BCKDK: variants seen among roughly 807,000 people sequenced by gnomAD.
The protein encoded by BCKDK is branched chain keto acid dehydrogenase kinase.
Under a neutral mutation model 43.9 loss-of-function variants are expected in BCKDK, and 28 were observed. That is an observed-to-expected ratio of 0.64 (90% CI 0.47 to 0.87). The LOEUF (loss-of-function observed/expected upper bound fraction) is 0.87. BCKDK is among the 40% of genes least tolerant of loss of function. The pLI is 0.00. For synonymous variants in BCKDK, 257 were observed against 234.3 expected, an observed-to-expected ratio of 1.10 and a Z score of -0.88; for missense variants, 483 against 581.4, an observed-to-expected ratio of 0.83 and a Z score of 1.74.
At position 31,109,305 on chromosome 16, in the gene BCKDK, C is replaced by T. The variant is rs1242006586; in HGVS notation, c.82C>T (p.Arg28Trp). The change falls in exon 2 of 12, where the codon CGG (arginine) becomes TGG (tryptophan). Residue 28 changes from arginine (R) to tryptophan (W), a missense_variant. By Grantham distance (101) the Arg-to-Trp change is moderately radical (BLOSUM62 -3). Coordinates refer to ENST00000219794, the MANE Select transcript of BCKDK (RefSeq NM_005881.4). This position sits in a 1 kb window ranked among gnomAD's most constrained non-coding sequence, Gnocchi z 5.3. ...CCTCCTGGGACCCGCACTCGCGCTC[C>T]GGGCCCGCTCGACGTCGGCCACCGA... Reference protein sequence around the residue: ...RPLLGPALALRARSTSATDTH... With the variant: ...RPLLGPALALWARSTSATDTH... 2 of 1,606,940 alleles carry T rather than the reference C, an allele frequency of 1.2e-6. No homozygotes were observed. The highest frequency in any genetic ancestry group is 1.7e-6 in the Non-Finnish European group (2 of 1,176,890).
Position 31,110,496 on chromosome 16 carries a change from C to A in BCKDK, c.639C>A (p.Asp213Glu). 1 of 1,613,760 alleles carries A rather than the reference C, an allele frequency of 6.2e-7. No individual in the cohort carries two copies. The highest frequency in any genetic ancestry group is 8.5e-7 in the Non-Finnish European group (1 of 1,179,984). Residue 213 changes from aspartate (D) to glutamate (E), a missense_variant, in exon 7 of 12, where the codon GAC becomes GAA. By Grantham distance (45) the Asp-to-Glu change is conservative. Transcript: ENST00000219794. This position sits in a 1 kb window ranked among gnomAD's most constrained non-coding sequence, Gnocchi z 5.4. Reference protein sequence around the residue: ...LATHHLALHEDKPDFVGIICT... With the variant: ...LATHHLALHEEKPDFVGIICT... Reference sequence around the variant, plus strand: ...CGCATCACCTGGCGCTGCATGAGGACAAGGTGGGGCTCTGGGACCTGAGAC... The same window carrying A: ...CGCATCACCTGGCGCTGCATGAGGAAAAGGTGGGGCTCTGGGACCTGAGAC...
Position 31,108,873 on chromosome 16 carries a change from A to C in BCKDK, c.-177-174A>C. 5.6e-6 allele frequency: 1 copy of C among 177,266 alleles called. No individual in the cohort carries two copies. The highest frequency in any genetic ancestry group is 6.1e-5 in the Admixed American group (1 of 16,376). 11.0% of individuals were successfully genotyped at this position (177,266 alleles called of 1,614,324 possible). On this transcript the variant is annotated intron_variant, in intron 1 of 11. Transcript: ENST00000219794. This position sits in a 1 kb window ranked among gnomAD's most constrained non-coding sequence, Gnocchi z 6.2. ...CGCCAGTAGAGCCTCGGGTTGGGGA[A>C]TAGAAGCCCCCGGGAGGCTAGGTCC... is the stretch of plus-strand genomic sequence containing the variant.
Position 31,111,241 on chromosome 16 carries a change from G to C in BCKDK, c.845+22G>C, listed in dbSNP as rs72785548. 2.5e-3 allele frequency: 4,008 copies of C among 1,614,166 alleles called. 13 individuals are homozygous for C. The highest frequency in any genetic ancestry group is 2.3e-3 in the Non-Finnish European group (2,713 of 1,180,010). ...TGAGGTGGGGTGGCTTGATGTGCTG[G>C]CTTGGGGGCGGACAGGAACCGGGGT... is the stretch of plus-strand genomic sequence containing the variant. On this transcript the variant is annotated intron_variant, in intron 9 of 11. Transcript: ENST00000219794.
rs1299277895 is a variant in BCKDK at position 31,111,847 on chromosome 16, ATTG to A, written c.936-15_936-13del. The A allele has an allele frequency of 6.2e-7, 1 of 1,613,600 alleles. No homozygotes were observed. Among genetic ancestry groups the A allele is most frequent in the Non-Finnish European group, 8.5e-7 (1 of 1,179,820 alleles). On this transcript the variant is annotated intron_variant, in intron 10 of 11. Coordinates refer to ENST00000219794, the MANE Select transcript of BCKDK (RefSeq NM_005881.4). ...ACCCCATCAAAGCTGAGCCAAGCCC[ATTG>A]TTGTTGCCATCTTGCTAGGATCTCA...
chr16:31,108,389 A>C lies in BCKDK; in HGVS notation c.-268A>C, dbSNP rs1013004816. 6.6e-6 allele frequency: 1 copy of C among 152,186 alleles called. No individual in the cohort carries two copies. Among genetic ancestry groups the C allele is most frequent in the Non-Finnish European group, 1.5e-5 (1 of 68,028 alleles). 9.4% of individuals were successfully genotyped at this position (152,186 alleles called of 1,614,324 possible). ...CGGGCGCTGCCGCCCACGCGACGTC[A>C]CGGCGGCGGAGGGCGCAGGCGGCTG... On this transcript the variant is annotated 5_prime_UTR_variant, in exon 1 of 12. Transcript: ENST00000219794. The surrounding 1 kb of genome is among the most constrained non-coding windows in gnomAD (Gnocchi z 6.2).
Position 31,110,964 on chromosome 16 carries a change from C to T in BCKDK, c.717-127C>T, listed in dbSNP as rs1156324908. 15 of 1,468,818 alleles carry T rather than the reference C, an allele frequency of 1.0e-5. No homozygotes were observed. The highest frequency in any genetic ancestry group is 1.2e-5 in the Non-Finnish European group (13 of 1,078,160). The allele number at this position is 1,468,818 out of a possible 1,614,324, so 91.0% of individuals were successfully genotyped here. On this transcript the variant is annotated intron_variant, in intron 8 of 11. Coordinates refer to ENST00000219794, the MANE Select transcript of BCKDK (RefSeq NM_005881.4). The surrounding 1 kb of genome is among the most constrained non-coding windows in gnomAD (Gnocchi z 5.4). ...AGCAGCATCCCTGGCGCCAGCAGTACTGCCTAGTTGTGACAAACAAAAATG... is the reference window on the plus strand; with the variant it reads ...AGCAGCATCCCTGGCGCCAGCAGTATTGCCTAGTTGTGACAAACAAAAATG...
downstream of BCKDK, among the ~76,000 whole-genome samples, chr16:31,114,785 T>C (rs888317338): frequency 2.0e-5 from 3 of 152,232 alleles, no homozygotes; most frequent in African/African-American, 7.2e-5. Flanking sequence ...CGCCTGTGAA[T>C]ACCGAAATCT....
rs766543783 is a variant in BCKDK, at chr16:31,109,513, C to T, written c.198C>T (p.Pro66=). ...QSAIDAAAEK[P]SVRLTPTMML... The stretch of plus-strand genomic sequence containing the variant: ...TCAAGGCCTCTCTCCCTCTCTAGCC[C>T]TCAGTCCGCCTAACGCCCACCATGA... Residue 66 remains proline (P), a splice_region_variant and synonymous_variant, in exon 3 of 12, where the codon CCC becomes CCT. Transcript: ENST00000219794. The surrounding 1 kb of genome is among the most constrained non-coding windows in gnomAD (Gnocchi z 5.3). 4 of 1,614,116 alleles carry T rather than the reference C, an allele frequency of 2.5e-6. No homozygotes were observed. Among genetic ancestry groups the T allele is most frequent in the Non-Finnish European group, 3.4e-6 (4 of 1,180,020 alleles).
rs1162877296 is a variant in BCKDK at position 31,110,481 on chromosome 16, G to A, written c.624G>A (p.Leu208=). The change falls in exon 7 of 12, where the codon CTG becomes CTA. Residue 208 remains leucine (L), a synonymous_variant. Transcript: ENST00000219794. This position sits in a 1 kb window ranked among gnomAD's most constrained non-coding sequence, Gnocchi z 5.4. ...LGIRMLATHH[L]ALHEDKPDFV... is the part of the protein sequence containing the mutation. ...TCCGCATGTTGGCCACGCATCACCT[G>A]GCGCTGCATGAGGACAAGGTGGGGC... The A allele has an allele frequency of 6.2e-7, 1 of 1,613,734 alleles. No homozygotes were observed. The highest frequency in any genetic ancestry group is 2.2e-5 in the East Asian group (1 of 44,894).
chr16:31,111,225 G>A lies in BCKDK; in HGVS notation c.845+6G>A, dbSNP rs1440509074. On this transcript the variant is annotated splice_donor_region_variant and intron_variant, in intron 9 of 11. Transcript: ENST00000219794. ...CTGCTCAAGAATGCCATGAGGTGGG[G>A]TGGCTTGATGTGCTGGCTTGGGGGC... The A allele has an allele frequency of 7.4e-6, 12 of 1,614,096 alleles. No homozygotes were observed. Among genetic ancestry groups the A allele is most frequent in the Non-Finnish European group, 9.3e-6 (11 of 1,180,036 alleles).
downstream of BCKDK, among the ~76,000 whole-genome samples, chr16:31,114,338 G>A (rs565312762): frequency 1.1e-3 from 79 of 74,154 alleles, no homozygotes; most frequent in African/African-American, 3.5e-3. Flanking sequence ...TCAGCCTCCC[G>A]AGTAGCTGGG....
Position 31,109,943 on chromosome 16 carries a change from C to G in BCKDK, c.376-134C>G, listed in dbSNP as rs925103138. 7 of 1,415,692 alleles carry G rather than the reference C, an allele frequency of 4.9e-6. No homozygotes were observed. In the African/African-American group the frequency reaches 7.1e-5, roughly 14 times the overall value. The allele number at this position is 1,415,692 out of a possible 1,614,324, so 87.7% of individuals were successfully genotyped here. A position where few individuals can be genotyped will look rare whatever the true frequency, so the allele number is the denominator to read the frequency against. On this transcript the variant is annotated intron_variant, in intron 4 of 11. Transcript: ENST00000219794. This position sits in a 1 kb window ranked among gnomAD's most constrained non-coding sequence, Gnocchi z 5.3. The stretch of plus-strand genomic sequence containing the variant: ...AAGCCAAAGGTGTGTATTCACGGAG[C>G]CTGGAAGGGTCGAAGTGGGGGTTTG...
chr16:31,110,981 A>C lies in BCKDK; in HGVS notation c.717-110A>C. ...CAGCAGTACTGCCTAGTTGTGACAA[A>C]CAAAAATGTCTCTGCACATTGCCAT... is the stretch of plus-strand genomic sequence containing the variant. On this transcript the variant is annotated intron_variant, in intron 8 of 11. Coordinates refer to ENST00000219794, the MANE Select transcript of BCKDK (RefSeq NM_005881.4). The surrounding 1 kb of genome is among the most constrained non-coding windows in gnomAD (Gnocchi z 5.4). The C allele has an allele frequency of 3.1e-5, 47 of 1,538,478 alleles. No homozygotes were observed. Among genetic ancestry groups the C allele is most frequent in the Non-Finnish European group, 4.1e-5 (47 of 1,135,248 alleles).
At position 31,110,657 on chromosome 16, in the gene BCKDK, TG is replaced by T; in HGVS notation, c.643-28del. 1.9e-6 allele frequency: 3 copies of T among 1,610,954 alleles called. No homozygotes were observed. Among genetic ancestry groups the T allele is most frequent in the Non-Finnish European group, 2.5e-6 (3 of 1,177,346 alleles). On this transcript the variant is annotated intron_variant, in intron 7 of 11. Transcript: ENST00000219794. The surrounding 1 kb of genome is among the most constrained non-coding windows in gnomAD (Gnocchi z 5.4). The stretch of plus-strand genomic sequence containing the variant: ...GCATCTTGGGGTGGGGCTAGGGGCG[TG>T]GGTAGTCCTGACCTCCTTTCTCCGG...
downstream of BCKDK, among the ~76,000 whole-genome samples, chr16:31,116,552 G>T (rs183291640): frequency 5.2e-4 from 79 of 151,968 alleles, no homozygotes; most frequent in African/African-American, 1.8e-3. Flanking sequence ...GCCTGTCCCT[G>T]GACACACCCG....
downstream of BCKDK, among the ~76,000 whole-genome samples, chr16:31,113,650 A>G (rs1034047360): frequency 6.6e-6 from 1 of 152,054 alleles, no homozygotes; most frequent in Admixed American, 6.6e-5. Flanking sequence ...TTTTTTGTAG[A>G]AACAGGGTTT....
intron 10 of BCKDK, 50 bp from the exon 11 acceptor site, chr16:31,111,819 A>G: frequency 6.2e-7 from 1 of 1,605,812 alleles, no homozygotes; most frequent in Non-Finnish European, 8.5e-7. Context: ...GGGGGTGGTG[A>G]GTACCCCATC....
chr16:31,115,480 C>T (rs568745591), downstream of BCKDK, among the ~76,000 whole-genome samples: 10 of 152,240 alleles, frequency 6.6e-5, no homozygotes, highest in South Asian at 2.1e-3. Context: ...GCCTCGGCCT[C>T]CCAAAGTGGT....
downstream of BCKDK, among the ~76,000 whole-genome samples, chr16:31,116,664 C>G (rs1302558825): frequency 1.3e-5 from 2 of 150,688 alleles, no homozygotes; most frequent in Non-Finnish European, 3.0e-5. Context: ...CGCCTGTAAC[C>G]CTAGCACTTT....
Sources: allele counts gnomAD v4.1 joint callset (sites outside exome capture counted in the v4.1 genomes callset), GRCh38; gene constraint gnomAD v4.1.1; non-coding constraint Gnocchi (gnomAD v3.1); transcripts MANE v1.5; gene names NCBI Gene and HGNC (gene_info 2026-07-23, HGNC 2026-07-21).